Variants in EPYC observed in about 807,000 individuals in gnomAD.
EPYC encodes epiphycan.
Under a neutral mutation model 30.1 loss-of-function variants are expected in EPYC, and 28 were observed. That is an observed-to-expected ratio of 0.93 (90% CI 0.69 to 1.28). The LOEUF is 1.28. Ranked by LOEUF, EPYC falls within the 50% of genes most tolerant of loss-of-function variation. The probability of loss-of-function intolerance (pLI) is 0.00; values close to 1 mark genes in which losing one functional copy is unlikely to be tolerated. For synonymous variants in EPYC, 144 were observed against 141.4 expected, an observed-to-expected ratio of 1.02 and a Z score of -0.13; for missense variants, 382 against 383.5, an observed-to-expected ratio of 1.00 and a Z score of 0.03.
In EPYC at chr12:90,970,097, A is replaced by C. The variant is rs761772258; in HGVS notation, c.745T>G (p.Leu249Val). Residue 249 changes from leucine (L) to valine (V), a missense_variant, in exon 6 of 7, where the codon TTG becomes GTG. Leu to Val is a conservative substitution (Grantham distance 32, BLOSUM62 1). Coordinates refer to ENST00000261172, the MANE Select transcript of EPYC (RefSeq NM_004950.5). Reference sequence around the variant, plus strand: ...GGGAGTGGCAGAGGGATGTGGTCCAAGTTGTTATCAGTGAGGTACAGATGA... The same window carrying C: ...GGGAGTGGCAGAGGGATGTGGTCCACGTTGTTATCAGTGAGGTACAGATGA... ...LHHLYLTDNN[L>V]DHIPLPLPEN... 6.2e-7 allele frequency: 1 copy of C among 1,614,040 alleles called. No individual in the cohort carries two copies. Among genetic ancestry groups the C allele is most frequent in the African/African-American group, 1.3e-5 (1 of 75,054 alleles).
chr12:90,995,886 C>G (rs904581375), intron 2 of EPYC, among the ~76,000 whole-genome samples: 3 of 151,962 alleles, frequency 2.0e-5, no homozygotes, highest in Admixed American at 2.0e-4. Flanking sequence ...TCTTTCCTCC[C>G]TTCCTGTAGA....
At chr12:90,998,566 A>G (rs763370663) in intron 2 of EPYC, among the ~76,000 whole-genome samples, 1 of 152,106 alleles carries the variant, frequency 6.6e-6, no homozygotes, top group Non-Finnish European at 1.5e-5. Flanking sequence ...ACAAAGCTCA[A>G]TTGAGATTCT....
intron 2 of EPYC, among the ~76,000 whole-genome samples, chr12:90,994,394 A>G (rs1461197402): frequency 6.6e-6 from 1 of 152,196 alleles, no homozygotes; most frequent in African/African-American, 2.4e-5. Flanking sequence ...TTAATCCTCA[A>G]AAGGTATCTT....
At chr12:90,993,087 T>C (rs1053612836) in intron 2 of EPYC, among the ~76,000 whole-genome samples, 1 of 152,166 alleles carries the variant, frequency 6.6e-6, no homozygotes, top group Non-Finnish European at 1.5e-5. Flanking sequence ...TCTGGAACAA[T>C]CAAATCTCTT....
At chr12:90,974,809 G>A (rs906206744) in intron 3 of EPYC, among the ~76,000 whole-genome samples, 1 of 152,254 alleles carries the variant, frequency 6.6e-6, no homozygotes, top group South Asian at 2.1e-4. Flanking sequence ...GGGGTCTAGG[G>A]ATGAGGTAAA....
intron 2 of EPYC, among the ~76,000 whole-genome samples, chr12:90,986,397 A>G (rs7977062): frequency 0.025 from 3,828 of 152,206 alleles, 162 homozygotes; most frequent in African/African-American, 0.087. Flanking sequence ...TACAAAAACC[A>G]AATGGTCAGT....
chr12:90,991,686 A>C (rs954399328), intron 2 of EPYC, among the ~76,000 whole-genome samples: 2 of 152,204 alleles, frequency 1.3e-5, no homozygotes, highest in African/African-American at 4.8e-5. Context: ...TGTGACACTG[A>C]AAATATAGAT....
At chr12:90,972,598 C>A in intron 4 of EPYC, 1 of 386,230 alleles carries the variant, frequency 2.6e-6, no homozygotes. Flanking sequence ...TTAAATTGCT[C>A]ATTTGAAAAC....
intron 1 of EPYC, among the ~76,000 whole-genome samples, chr12:91,004,557 T>C (rs998793204): frequency 6.6e-6 from 1 of 152,068 alleles, no homozygotes; most frequent in Non-Finnish European, 1.5e-5. Flanking sequence ...ATCATTACAA[T>C]ACTTTTAATC....
chr12:90,992,076 A>C (rs1232297451), intron 2 of EPYC, among the ~76,000 whole-genome samples: 1 of 152,292 alleles, frequency 6.6e-6, no homozygotes, highest in East Asian at 1.9e-4. Flanking sequence ...TGTGGAAGAC[A>C]GTTTATCCAC....
chr12:90,970,196 A>T, intron 5 of EPYC, 57 bp from the exon 6 acceptor site: 2 of 1,237,956 alleles, frequency 1.6e-6, no homozygotes, highest in Admixed American at 1.8e-5. Context: ...CTCAATAAGA[A>T]ATAAAAAACA....
At chr12:91,000,883 T>C (rs921585239) in intron 2 of EPYC, among the ~76,000 whole-genome samples, 1 of 152,120 alleles carries the variant, frequency 6.6e-6, no homozygotes, top group Non-Finnish European at 1.5e-5. Flanking sequence ...ATATTCTACA[T>C]TGATGCATCA....
chr12:90,982,882 C>A (rs1380621486), intron 2 of EPYC, among the ~76,000 whole-genome samples: 1 of 152,130 alleles, frequency 6.6e-6, no homozygotes, highest in Non-Finnish European at 1.5e-5. Context: ...ATTTATCCAT[C>A]CATCCATTGA....
intron 2 of EPYC, among the ~76,000 whole-genome samples, chr12:90,993,631 G>T (rs1877635271): frequency 6.6e-6 from 1 of 151,756 alleles, no homozygotes; most frequent in Non-Finnish European, 1.5e-5. Context: ...GTTCCCAACT[G>T]TTATTTTTTC....
intron 2 of EPYC, among the ~76,000 whole-genome samples, chr12:90,984,471 CA>C (rs1721036380): frequency 6.6e-6 from 1 of 152,050 alleles, no homozygotes; most frequent in South Asian, 2.1e-4. Flanking sequence ...AGATGTGGCT[CA>C]TTTTTTTTCT....
intron 2 of EPYC, among the ~76,000 whole-genome samples, chr12:90,989,832 A>G (rs998807416): frequency 1.3e-5 from 2 of 152,002 alleles, no homozygotes; most frequent in Non-Finnish European, 2.9e-5. Flanking sequence ...ATTCACCATC[A>G]TCTCCTTAGG....
chr12:91,002,644 A>G, intron 1 of EPYC, 66 bp from the exon 2 acceptor site: 1 of 1,250,440 alleles, frequency 8.0e-7, no homozygotes, highest in East Asian at 2.6e-5. Context: ...TGCACTAAAT[A>G]GAAATGATAA....
At chr12:90,994,499 C>T (rs1300940918) in intron 2 of EPYC, among the ~76,000 whole-genome samples, 2 of 152,094 alleles carry the variant, frequency 1.3e-5, no homozygotes, top group African/African-American at 4.8e-5. Flanking sequence ...AGAAGTCTGA[C>T]TTTAGGCCCT....
chr12:91,004,515 TC>T (rs1171685643), intron 1 of EPYC, among the ~76,000 whole-genome samples: 1 of 152,070 alleles, frequency 6.6e-6, no homozygotes, highest in Non-Finnish European at 1.5e-5. Flanking sequence ...AATATATAGC[TC>T]AAAAAAATTT....
Sources: allele counts gnomAD v4.1 joint callset (sites outside exome capture counted in the v4.1 genomes callset), GRCh38; gene constraint gnomAD v4.1.1; transcripts MANE v1.5; gene names NCBI Gene and HGNC (gene_info 2026-07-23, HGNC 2026-07-21).